Variants in XYLT1 observed in about 807,000 individuals in gnomAD.
XYLT1 encodes xylosyltransferase 1, also known as beta-D-xylosyltransferase 1.
Under a neutral mutation model 91.3 loss-of-function variants are expected in XYLT1, and 36 were observed. That is an observed-to-expected ratio of 0.39 (90% confidence interval 0.30 to 0.52). The LOEUF is 0.52. Among genes scored for constraint, XYLT1 ranks in the 20% least tolerant of loss-of-function variants. XYLT1 has a pLI of 0.68. For missense variants in XYLT1, 1,242 were observed against 1,284.5 expected, an observed-to-expected ratio of 0.97 and a Z score of 0.51; for synonymous variants, 588 against 532.0, an observed-to-expected ratio of 1.11 and a Z score of -1.45.
chr16:17,160,298 G>A (rs1335784747), intron 5 of XYLT1, among the ~76,000 whole-genome samples: 3 of 152,146 alleles, frequency 2.0e-5, no homozygotes, highest in African/African-American at 7.2e-5. Flanking sequence ...CACACAGTAG[G>A]GGCACAATCA....
chr16:17,122,914 T>C (rs1237869766), intron 10 of XYLT1, among the ~76,000 whole-genome samples: 1 of 152,236 alleles, frequency 6.6e-6, no homozygotes, highest in African/African-American at 2.4e-5. Context: ...CTGGGTTCTC[T>C]ATTCTGTTCC....
chr16:17,412,390 C>T (rs1277028141), intron 1 of XYLT1, among the ~76,000 whole-genome samples: 2 of 152,014 alleles, frequency 1.3e-5, no homozygotes, highest in African/African-American at 4.8e-5. Flanking sequence ...CACACACAAA[C>T]CCCACACACA....
chr16:17,368,040 C>T (rs2035477245), intron 1 of XYLT1, among the ~76,000 whole-genome samples: 2 of 152,210 alleles, frequency 1.3e-5, no homozygotes, highest in African/African-American at 4.8e-5. Context: ...CTGACCAGGA[C>T]ATCTATTGTC....
Position 17,117,688 on chromosome 16 carries a change from C to T in XYLT1, c.2515G>A (p.Val839Ile), listed in dbSNP as rs7200466. 17,992 of 1,613,914 alleles carry T rather than the reference C, an allele frequency of 0.011. 1,567 individuals carry two copies. In the African/African-American group the frequency reaches 0.2, roughly 18 times the overall value. ...CTGTTCGAGAAGGTCAGAGGCGCAA[C>T]GAGGAATTTGGTCTCTGCAACTGGC... ...WVPVAETKFLVAPLTFSNRQP... is the reference protein window; with the variant it reads ...WVPVAETKFLIAPLTFSNRQP... Residue 839 changes from valine to isoleucine, a missense_variant, in exon 11 of 12, where the codon GTT (valine) becomes ATT (isoleucine). Transcript: ENST00000261381.
intron 7 of XYLT1, among the ~76,000 whole-genome samples, chr16:17,139,288 C>T (rs970430727): frequency 1.4e-4 from 21 of 151,616 alleles, no homozygotes; most frequent in Admixed American, 5.2e-4. Flanking sequence ...TGTGTCTGCC[C>T]GTTACAAGTT....
chr16:17,398,929 C>T (rs2035927784), intron 1 of XYLT1, among the ~76,000 whole-genome samples: 1 of 150,728 alleles, frequency 6.6e-6, no homozygotes, highest in South Asian at 2.1e-4. Context: ...ATTGCAACCT[C>T]TACCTCCCAG....
At chr16:17,162,245 T>G (rs975355639) in intron 5 of XYLT1, among the ~76,000 whole-genome samples, 1 of 151,974 alleles carries the variant, frequency 6.6e-6, no homozygotes, top group East Asian at 1.9e-4. Flanking sequence ...CTGTCTCTAC[T>G]AAAAATACAA....
At chr16:17,329,122 C>G (rs947770702) in intron 2 of XYLT1, among the ~76,000 whole-genome samples, 5 of 152,212 alleles carry the variant, frequency 3.3e-5, no homozygotes, top group Non-Finnish European at 5.9e-5. Context: ...GCCGCTGTAG[C>G]TCAAAACAGA....
intron 1 of XYLT1, among the ~76,000 whole-genome samples, chr16:17,469,038 C>A (rs56399325): frequency 0.26 from 40,158 of 152,114 alleles, 6,459 homozygotes; most frequent in East Asian, 0.44. Context: ...CCACTATTCT[C>A]CCCGCAAATG....
chr16:17,419,269 G>A (rs897888611), intron 1 of XYLT1, among the ~76,000 whole-genome samples: 3 of 151,872 alleles, frequency 2.0e-5, no homozygotes, highest in Non-Finnish European at 2.9e-5. Flanking sequence ...TTGAGACCTG[G>A]AGGTTGAGGC....
chr16:17,421,875 T>C lies in XYLT1; in HGVS notation c.363+48559A>G, dbSNP rs148420811. Among the ~76,000 whole-genome samples the C allele has an allele frequency of 9.2e-3, 1,403 of 152,250 alleles. 9 individuals carry two copies. Among genetic ancestry groups the C allele is most frequent in the Middle Eastern group, 0.044 (13 of 294 alleles). ...TTTTTCAAGACCGAGTCTCACTCAA[T>C]CACCCAGGCCAGAATGCAGTGGTGC... is the stretch of plus-strand genomic sequence containing the variant. On this transcript the variant is annotated intron_variant, in intron 1 of 11. Transcript: ENST00000261381.
intron 3 of XYLT1, among the ~76,000 whole-genome samples, chr16:17,247,204 G>A (rs566698348): frequency 1.4e-4 from 22 of 152,236 alleles, no homozygotes; most frequent in African/African-American, 4.8e-4. Context: ...CCATGTCTGG[G>A]CTCCTTCCTT....
At chr16:17,190,418 A>G (rs1458074071) in intron 5 of XYLT1, among the ~76,000 whole-genome samples, 2 of 150,790 alleles carry the variant, frequency 1.3e-5, no homozygotes, top group African/African-American at 2.4e-5. Context: ...TACATTAGGT[A>G]TATCTCCTAA....
chr16:17,417,641 G>A (rs745825578), intron 1 of XYLT1, among the ~76,000 whole-genome samples: 3 of 152,136 alleles, frequency 2.0e-5, no homozygotes, highest in Admixed American at 6.5e-5. Context: ...GTTCACCACC[G>A]TAGGCATATG....
chr16:17,256,959 C>T (rs539077925), intron 3 of XYLT1, among the ~76,000 whole-genome samples: 2 of 152,336 alleles, frequency 1.3e-5, no homozygotes, highest in South Asian at 4.1e-4. Context: ...ACCCTGACAC[C>T]TCCCCAATCT....
At chr16:17,470,089 C>G (rs2036962825) in intron 1 of XYLT1, among the ~76,000 whole-genome samples, 1 of 145,916 alleles carries the variant, frequency 6.9e-6, no homozygotes, top group Non-Finnish European at 1.5e-5. Flanking sequence ...AGGCAGGGAG[C>G]GAGTCACCAA....
At chr16:17,130,791 C>T (rs2030440752) in intron 9 of XYLT1, among the ~76,000 whole-genome samples, 1 of 152,156 alleles carries the variant, frequency 6.6e-6, no homozygotes, top group Non-Finnish European at 1.5e-5. Context: ...CGTCCATCGT[C>T]CCTCACTTAA....
intron 6 of XYLT1, among the ~76,000 whole-genome samples, chr16:17,153,621 G>A (rs2031335785): frequency 6.6e-6 from 1 of 152,128 alleles, no homozygotes; most frequent in Non-Finnish European, 1.5e-5. Context: ...TTCTTTCAAT[G>A]TAGCCTTATT....
At chr16:17,449,574 G>A (rs754566700) in intron 1 of XYLT1, among the ~76,000 whole-genome samples, 1 of 152,218 alleles carries the variant, frequency 6.6e-6, no homozygotes, top group Non-Finnish European at 1.5e-5. Flanking sequence ...CCCTCTCTGT[G>A]CCTCACTTCC....
Sources: allele counts gnomAD v4.1 joint callset (sites outside exome capture counted in the v4.1 genomes callset), GRCh38; gene constraint gnomAD v4.1.1; transcripts MANE v1.5; gene names NCBI Gene and HGNC (gene_info 2026-07-23, HGNC 2026-07-21).